Variants in TEP1 observed in about 807,000 individuals in gnomAD.
TEP1 encodes telomerase associated protein 1.
TEP1 carries 241 observed loss-of-function variants against 306.3 expected under a neutral mutation model. The observed-to-expected ratio is 0.79, with a 90% CI of 0.71 to 0.88. The LOEUF is 0.88. TEP1 is among the 40% of genes least tolerant of loss of function. TEP1 has a pLI of 0.00. For missense variants in TEP1, 3,051 were observed against 3,276.1 expected (o/e 0.93, Z 1.68); for synonymous variants, 1,289 against 1,305.5 (o/e 0.99, Z 0.27).
chr14:20,375,838 T>G lies in TEP1; in HGVS notation c.6280A>C (p.Lys2094Gln). 6.2e-7 allele frequency: 1 copy of G among 1,613,610 alleles called. No homozygotes were observed. Among genetic ancestry groups the G allele is most frequent in the Non-Finnish European group, 8.5e-7 (1 of 1,179,926 alleles). ...SLLCWDVRTP[K>Q]TPVLIHSFPA... is the part of the protein sequence containing the mutation. ...AAGGAGTGGATCAAAACAGGGGTTT[T>G]GGGTGTCCTCACGTCCCAGCAGAGG... The change falls in exon 43 of 55, where the codon AAA (lysine) becomes CAA (glutamine). Residue 2094 changes from lysine to glutamine, a missense_variant. Around this residue, in one of 3 missense-constraint regions of TEP1, gnomAD observed 1,540 missense variants for 1,705.9 expected, o/e 0.90. Coordinates refer to ENST00000262715, the MANE Select transcript of TEP1 (RefSeq NM_007110.5).
At position 20,401,674 on chromosome 14, in the gene TEP1, C is replaced by T. The variant is rs1878768810; in HGVS notation, c.1267-93G>A. On this transcript the variant is annotated intron_variant, in intron 7 of 54. Transcript: ENST00000262715. ...AGCAGATTGTAAGACCATCCGATCC[C>T]TATGTGGTAATTTCTTTCTTCAAAA... 1.2e-5 allele frequency: 19 copies of T among 1,520,180 alleles called. No homozygotes were observed. The South Asian group carries it at 2.3e-4, about 18-fold the overall frequency. 94.2% of individuals were successfully genotyped at this position (1,520,180 alleles called of 1,614,324 possible).
At chr14:20,403,949 G>A in intron 5 of TEP1, 65 bp from the exon 6 acceptor site, 1 of 1,604,988 alleles carries the variant, frequency 6.2e-7, no homozygotes, top group Non-Finnish European at 8.5e-7. Flanking sequence ...AACAAAACGA[G>A]ATCACTTCAT....
At position 20,396,104 on chromosome 14, in the gene TEP1, GTCA is replaced by G. The variant is rs371482888; in HGVS notation, c.1660-158_1660-156del. On this transcript the variant is annotated intron_variant, in intron 10 of 54. Transcript: ENST00000262715. Reference sequence around the variant, plus strand: ...AGGGGTAATAAGAAGAAAGAAAAAAGTCATCATTTTAGGATGTGAGAAAAGGTA... The same window carrying G: ...AGGGGTAATAAGAAGAAAGAAAAAAGTCATTTTAGGATGTGAGAAAAGGTA... 2.6e-4 allele frequency among the ~76,000 whole-genome samples: 40 copies of G among 152,278 alleles called. 1 individual carries two copies. The East Asian group carries it at 7.3e-3, about 28-fold the overall frequency.
At position 20,371,544 on chromosome 14, in the gene TEP1, T is replaced by C; in HGVS notation, c.7165A>G (p.Lys2389Glu). 6.2e-7 allele frequency: 1 copy of C among 1,608,450 alleles called. No individual in the cohort carries two copies. The highest frequency in any genetic ancestry group is 8.5e-7 in the Non-Finnish European group (1 of 1,178,868). The change falls in exon 50 of 55, where the codon AAA becomes GAA. Residue 2389 changes from lysine (K) to glutamate (E), a missense_variant. Coordinates refer to ENST00000262715, the MANE Select transcript of TEP1 (RefSeq NM_007110.5). ...ATGCAAAGTAACTTCAAATCTGCTT[T>C]GGCCAAGATGAGAAAGTGACCATCA... The part of the protein sequence containing the change: ...APDGHFLILA[K>E]ADLKLLCMKP...
chr14:20,395,832 G>A (rs1341034677), intron 11 of TEP1, 27 bp downstream of exon 11: 15 of 1,603,168 alleles, frequency 9.4e-6, no homozygotes, highest in African/African-American at 4.0e-5. Context: ...GGGAGGCAAA[G>A]AGGAGTTGGA....
intron 19 of TEP1, 41 bp downstream of exon 19, chr14:20,386,406 C>T: frequency 6.3e-7 from 1 of 1,579,476 alleles, no homozygotes; most frequent in African/African-American, 1.3e-5. Flanking sequence ...ACTCAAGCCC[C>T]TCATCCCCGA....
intron 9 of TEP1, 37 bp from the exon 10 acceptor site, chr14:20,396,767 G>T: frequency 6.8e-7 from 1 of 1,473,506 alleles, no homozygotes; most frequent in Non-Finnish European, 9.3e-7. Context: ...AAAAACAAAT[G>T]AGAAGGCCAG....
chr14:20,375,792 C>T lies in TEP1; in HGVS notation c.6326G>A (p.Trp2109Ter). ...IHSFPACHRD[W>*]VTGCAWTKDN... is the part of the protein sequence containing the mutation. Reference sequence around the variant, plus strand: ...TTTGGTCCAGGCACAGCCAGTGACCCAGTCACGGTGACAGGCAGGGAAGGA... The same window carrying T: ...TTTGGTCCAGGCACAGCCAGTGACCTAGTCACGGTGACAGGCAGGGAAGGA... The change falls in exon 43 of 55, where the codon TGG becomes TAG. Residue 2109 changes from tryptophan to a stop codon, truncating the protein, a stop_gained. Transcript: ENST00000262715. LOFTEE classifies it high-confidence loss of function. The T allele has an allele frequency of 6.2e-7, 1 of 1,613,650 alleles. No homozygotes were observed. Among genetic ancestry groups the T allele is most frequent in the Non-Finnish European group, 8.5e-7 (1 of 1,179,938 alleles).
chr14:20,407,140 T>TATAC (rs1879237058), intron 2 of TEP1, among the ~76,000 whole-genome samples: 1 of 152,238 alleles, frequency 6.6e-6, no homozygotes, highest in African/African-American at 2.4e-5. Flanking sequence ...ATACTAAATG[T>TATAC]AGGCATGTAG....
At chr14:20,382,182 C>T (rs759684509) in intron 29 of TEP1, 42 bp downstream of exon 29, 3 of 1,613,848 alleles carry the variant, frequency 1.9e-6, no homozygotes, top group Non-Finnish European at 2.5e-6. Flanking sequence ...TAATCCGAAC[C>T]CTGGCCCTCA....
At position 20,390,680 on chromosome 14, in the gene TEP1, C is replaced by T; in HGVS notation, c.2334+1G>A. ...AGGGTTTCTCAGGGATTAATACTCACAGGAACCCTTTGGCCAGCCAGAGAC... is the reference window on the plus strand; with the variant it reads ...AGGGTTTCTCAGGGATTAATACTCATAGGAACCCTTTGGCCAGCCAGAGAC... On this transcript the variant is annotated splice_donor_variant, in intron 15 of 54. Transcript: ENST00000262715. LOFTEE classifies it high-confidence loss of function. The T allele has an allele frequency of 6.2e-7, 1 of 1,614,030 alleles. No homozygotes were observed. Among genetic ancestry groups the T allele is most frequent in the Non-Finnish European group, 8.5e-7 (1 of 1,179,904 alleles).
chr14:20,382,402 A>G (rs753520661), intron 28 of TEP1, 46 bp from the exon 29 acceptor site: 1 of 1,573,802 alleles, frequency 6.4e-7, no homozygotes, highest in East Asian at 2.2e-5. Context: ...TGGGAGGAGA[A>G]GCAGCTTGGC....
At chr14:20,398,833 G>A (rs944480108) in intron 9 of TEP1, among the ~76,000 whole-genome samples, 1 of 152,192 alleles carries the variant, frequency 6.6e-6, no homozygotes, top group African/African-American at 2.4e-5. Flanking sequence ...TAAAGGGGAT[G>A]TAAGTCTTAT....
At position 20,382,211 on chromosome 14, in the gene TEP1, C is replaced by T. The variant is rs1271414627; in HGVS notation, c.4273+13G>A. The T allele has an allele frequency of 5.6e-6, 9 of 1,614,014 alleles. No homozygotes were observed. The highest frequency in any genetic ancestry group is 1.3e-5 in the African/African-American group (1 of 74,906). On this transcript the variant is annotated intron_variant, in intron 29 of 54. Transcript: ENST00000262715. ...GCCCTCAGCCTCCCAACCAACCCAC[C>T]CCAAGCACTGACCACTCCGTGTGAC...
At chr14:20,410,020 C>CAAAAAAAAAAAAAAAAAAAA (rs570672845) in intron 1 of TEP1, among the ~76,000 whole-genome samples, 7 of 58,956 alleles carry the variant, frequency 1.2e-4, no homozygotes, top group Non-Finnish European at 1.6e-4. Flanking sequence ...GACTCTGTCT[C>CAAAAAAAAAAAAAAAAAAAA]AAAAAAAAAA....
At chr14:20,380,882 C>T (rs879183596) in intron 33 of TEP1, 49 bp downstream of exon 33, 6 of 1,506,112 alleles carry the variant, frequency 4.0e-6, no homozygotes, top group East Asian at 2.3e-5. Context: ...ATAAGCACAC[C>T]CAGGAGTCCC....
chr14:20,371,291 A>G lies in TEP1; in HGVS notation c.7244T>C (p.Met2415Thr), dbSNP rs772217222. 3 of 1,614,218 alleles carry G rather than the reference A, an allele frequency of 1.9e-6. No homozygotes were observed. Among genetic ancestry groups the G allele is most frequent in the Non-Finnish European group, 2.5e-6 (3 of 1,180,030 alleles). ...ATACTCCTTGTGGGTGGACAATATC[A>G]TAGGATTTTCTGTATAGCTGCTCCT... is the stretch of plus-strand genomic sequence containing the variant. Reference protein sequence around the residue: ...EIWSSYTENPMILSTHKEYGI... With the variant: ...EIWSSYTENPTILSTHKEYGI... Residue 2415 changes from methionine to threonine, a missense_variant, in exon 51 of 55, where the codon ATG (methionine) becomes ACG (threonine). By Grantham distance (81) the Met-to-Thr change is moderately conservative (BLOSUM62 -1). This residue lies in a region of TEP1 where 1,540 missense variants were observed against 1,705.9 expected (regional missense o/e 0.90). Coordinates refer to ENST00000262715, the MANE Select transcript of TEP1 (RefSeq NM_007110.5).
At position 20,396,746 on chromosome 14, in the gene TEP1, C is replaced by T; in HGVS notation, c.1550-16G>A. ...TTCCCATTTTCTGTGGAATGTGGGG[C>T]ATAGAGTGAGAAAAACAAATGAGAA... On this transcript the variant is annotated splice_polypyrimidine_tract_variant and intron_variant, in intron 9 of 54. Transcript: ENST00000262715. 1.9e-6 allele frequency: 3 copies of T among 1,574,792 alleles called. No homozygotes were observed. The highest frequency in any genetic ancestry group is 2.6e-6 in the Non-Finnish European group (3 of 1,152,462).
In TEP1 at chr14:20,390,663, T is replaced by C. The variant is rs1877625674; in HGVS notation, c.2334+18A>G. ...AAATGTGGGGGAGGGAGAGGGTTTC[T>C]CAGGGATTAATACTCACAGGAACCC... On this transcript the variant is annotated intron_variant, in intron 15 of 54. Coordinates refer to ENST00000262715, the MANE Select transcript of TEP1 (RefSeq NM_007110.5). 1 of 1,612,898 alleles carries C rather than the reference T, an allele frequency of 6.2e-7. No individual in the cohort carries two copies. The highest frequency in any genetic ancestry group is 1.3e-5 in the African/African-American group (1 of 74,880).
Sources: gnomAD v4.1 joint callset for allele counts (sites outside exome capture counted in the v4.1 genomes callset) on GRCh38, gnomAD v4.1.1 for gene constraint, gnomAD v4.1.1 regional missense constraint, MANE v1.5 for transcripts, NCBI Gene and HGNC (gene_info 2026-07-23, HGNC 2026-07-21) for gene names.